Variants in RAD50 observed in about 807,000 individuals in gnomAD.
The protein encoded by RAD50 is DNA repair protein RAD50.
In RAD50, 132 loss-of-function variants were observed where a neutral mutation model predicts 168.8. The ratio of observed to expected loss-of-function variants is 0.78; its 90% CI spans 0.68 to 0.90. RAD50 has a LOEUF of 0.90. Ranked by LOEUF, RAD50 falls within the 40% of genes least tolerant of loss-of-function variation. The probability of loss-of-function intolerance (pLI) is 0.00; values close to 1 mark genes in which losing one functional copy is unlikely to be tolerated. For missense variants in RAD50, 1,347 were observed against 1,534.4 expected, an observed-to-expected ratio of 0.88 and a Z score of 2.04; for synonymous variants, 525 against 497.4, an observed-to-expected ratio of 1.06 and a Z score of -0.74.
intron 6 of RAD50, 85 bp downstream of exon 6, chr5:132,587,775 T>C: frequency 1.3e-6 from 2 of 1,588,182 alleles, no homozygotes; most frequent in Admixed American, 1.7e-5. Flanking sequence ...GCCATCCACA[T>C]TGGAAAAAAA....
intron 16 of RAD50, among the ~76,000 whole-genome samples, chr5:132,607,923 C>T (rs2522393): frequency 0.07 from 10,726 of 152,222 alleles, 1,183 homozygotes; most frequent in African/African-American, 0.24. Flanking sequence ...TTGAGGACCT[C>T]TGTTTTGAAC....
At chr5:132,640,610 G>T in intron 23 of RAD50, 62 bp from the exon 24 acceptor site, 2 of 1,608,706 alleles carry the variant, frequency 1.2e-6, no homozygotes, top group Non-Finnish European at 1.7e-6. Context: ...TGTCAGGACT[G>T]CTTGCCTGCC....
At chr5:132,628,523 G>T (rs75309135) in intron 21 of RAD50, among the ~76,000 whole-genome samples, 3,657 of 152,208 alleles carry the variant, frequency 0.024, 159 homozygotes, top group African/African-American at 0.084. Flanking sequence ...GCCCGGTCAA[G>T]TTGGGTGGGG....
chr5:132,595,938 C>T (rs1750785155), intron 13 of RAD50, 128 bp downstream of exon 13: 1 of 803,948 alleles, frequency 1.2e-6, no homozygotes. Flanking sequence ...TATATCACTT[C>T]TATGATAAGA....
intron 21 of RAD50, among the ~76,000 whole-genome samples, chr5:132,627,519 T>C (rs1242086643): frequency 6.6e-6 from 1 of 152,078 alleles, no homozygotes; most frequent in Non-Finnish European, 1.5e-5. Context: ...GAGCAAGATA[T>C]GCAAAAAATG....
At chr5:132,640,628 GAGA>G (rs1211384883) in intron 23 of RAD50, 41 bp from the exon 24 acceptor site, 2 of 1,613,916 alleles carry the variant, frequency 1.2e-6, no homozygotes, top group Admixed American at 1.7e-5. Flanking sequence ...GCCATGAGAT[GAGA>G]AGGTCTGTGC....
chr5:132,560,935 C>A (rs970853836), intron 2 of RAD50, among the ~76,000 whole-genome samples: 28 of 152,290 alleles, frequency 1.8e-4, no homozygotes, highest in African/African-American at 6.3e-4. Flanking sequence ...CATTGACTCC[C>A]ATTTTTCCCT....
Position 132,642,340 on chromosome 5 carries a change from CT to C in RAD50, c.3916del (p.Ser1306ProfsTer19), listed in dbSNP as rs1561661957. The C allele has an allele frequency of 6.2e-7, 1 of 1,613,834 alleles. No homozygotes were observed. The highest frequency in any genetic ancestry group is 8.5e-7 in the Non-Finnish European group (1 of 1,179,796). ...CSEIVKCSVS[S>X]LGFNVH ...CAGAGATTGTGAAATGCAGTGTTAG[CT>C]CCCTGGGATTCAATGTTCATTAAAA... On this transcript the variant is annotated frameshift_variant, in exon 25 of 25. Transcript: ENST00000378823. LOFTEE classifies it high-confidence loss of function.
At chr5:132,597,642 A>G (rs1410128990) in intron 13 of RAD50, among the ~76,000 whole-genome samples, 2 of 152,240 alleles carry the variant, frequency 1.3e-5, no homozygotes, top group East Asian at 1.9e-4. Flanking sequence ...CCTTAAGATG[A>G]CTGCAGTCCT....
At chr5:132,617,872 C>T (rs563964018) in intron 20 of RAD50, among the ~76,000 whole-genome samples, 198 bp from the exon 21 acceptor site, 48 of 152,202 alleles carry the variant, frequency 3.2e-4, no homozygotes, top group African/African-American at 9.6e-4. Context: ...AACCTATGTG[C>T]GGCAGAGATA....
At chr5:132,592,752 C>A (rs554421329) in intron 11 of RAD50, 1 of 450,604 alleles carries the variant, frequency 2.2e-6, no homozygotes, top group South Asian at 1.6e-5. Flanking sequence ...TTTCATTGTG[C>A]TTTGTCTTCA....
chr5:132,562,975 G>A (rs1334826787), intron 2 of RAD50, among the ~76,000 whole-genome samples: 1 of 152,226 alleles, frequency 6.6e-6, no homozygotes, highest in Non-Finnish European at 1.5e-5. Context: ...TATGTTGATA[G>A]CTCAAGAAAG....
chr5:132,615,851 A>G, intron 19 of RAD50, 152 bp from the exon 20 acceptor site: 1 of 758,014 alleles, frequency 1.3e-6, no homozygotes, highest in Admixed American at 2.2e-5. Flanking sequence ...CCAGACCTGT[A>G]GATTCCTTCA....
At chr5:132,574,721 G>C (rs919406955) in intron 2 of RAD50, among the ~76,000 whole-genome samples, 3 of 152,138 alleles carry the variant, frequency 2.0e-5, no homozygotes, top group Non-Finnish European at 2.9e-5. Flanking sequence ...GTCACCGCTT[G>C]AATGCTTTAC....
At chr5:132,634,866 A>C (rs78663519) in intron 21 of RAD50, among the ~76,000 whole-genome samples, 2,387 of 151,924 alleles carry the variant, frequency 0.016, 56 homozygotes, top group African/African-American at 0.055. Flanking sequence ...CCCCAGTTTT[A>C]CTGTTTCTTT....
At chr5:132,579,099 C>T (rs1750454088) in intron 3 of RAD50, among the ~76,000 whole-genome samples, 1 of 152,068 alleles carries the variant, frequency 6.6e-6, no homozygotes, top group Non-Finnish European at 1.5e-5. Context: ...ATTCTGGCTT[C>T]CTTTCCTGAA....
intron 2 of RAD50, among the ~76,000 whole-genome samples, chr5:132,574,923 A>G (rs1205881119): frequency 2.6e-5 from 4 of 152,180 alleles, no homozygotes; most frequent in Non-Finnish European, 5.9e-5. Context: ...CATTGTCCAT[A>G]TCCTCATCAG....
intron 2 of RAD50, among the ~76,000 whole-genome samples, chr5:132,574,312 A>C (rs1750357123): frequency 6.6e-6 from 1 of 152,176 alleles, no homozygotes; most frequent in Non-Finnish European, 1.5e-5. Flanking sequence ...CACCACGTGG[A>C]AGCTGCCAAG....
At chr5:132,563,617 T>C (rs1056355846) in intron 2 of RAD50, among the ~76,000 whole-genome samples, 1 of 152,212 alleles carries the variant, frequency 6.6e-6, no homozygotes, top group Non-Finnish European at 1.5e-5. Flanking sequence ...TGGTTATGTA[T>C]GTTTTTTCAG....
Sources: allele counts gnomAD v4.1 joint callset (sites outside exome capture counted in the v4.1 genomes callset), GRCh38; gene constraint gnomAD v4.1.1; transcripts MANE v1.5; gene names NCBI Gene and HGNC (gene_info 2026-07-23, HGNC 2026-07-21).